The following KCNQ5 variants were observed in gnomAD, a reference collection of about 807,000 sequenced individuals.
KCNQ5 encodes potassium voltage-gated channel subfamily Q member 5, also known as potassium voltage-gated channel subfamily KQT member 5.
In KCNQ5, 30 loss-of-function variants were observed where a neutral mutation model predicts 98.2. The ratio of observed to expected loss-of-function variants is 0.31; its 90% CI spans 0.23 to 0.41. The LOEUF is 0.41. Ranked by LOEUF, KCNQ5 falls within the 10% of genes least tolerant of loss-of-function variation. The probability of loss-of-function intolerance (pLI) is 1.00; values close to 1 mark genes in which losing one functional copy is unlikely to be tolerated. For missense variants in KCNQ5, 835 were observed against 1,182.5 expected (o/e 0.71, Z 4.31); for synonymous variants, 458 against 449.4 (o/e 1.02, Z -0.24).
At chr6:72,709,514 T>A (rs1769253649) in intron 1 of KCNQ5, among the ~76,000 whole-genome samples, 1 of 152,218 alleles carries the variant, frequency 6.6e-6, no homozygotes, top group Non-Finnish European at 1.5e-5. Flanking sequence ...ATGCTTAAAC[T>A]GAGGGTATAC....
intron 7 of KCNQ5, among the ~76,000 whole-genome samples, chr6:73,113,299 C>T (rs980836374): frequency 3.3e-5 from 5 of 152,172 alleles, no homozygotes; most frequent in Admixed American, 6.5e-5. Context: ...TCCTTTCATC[C>T]GTCTGAGCAC....
intron 3 of KCNQ5, among the ~76,000 whole-genome samples, chr6:73,059,544 T>C (rs1275730129): frequency 6.6e-6 from 1 of 152,090 alleles, no homozygotes; most frequent in Non-Finnish European, 1.5e-5. Flanking sequence ...AACCTGCACA[T>C]GTACCACAGA....
chr6:73,150,007 GA>G (rs60083203), intron 10 of KCNQ5, among the ~76,000 whole-genome samples: 32,542 of 135,374 alleles, frequency 0.24, 8,402 homozygotes, highest in African/African-American at 0.63. Flanking sequence ...CACCACAGGG[GA>G]AAAAAAAAAA....
In KCNQ5 at chr6:73,079,105, C is replaced by G. The variant is rs546229935; in HGVS notation, c.918+1218C>G. 3.9e-5 allele frequency among the ~76,000 whole-genome samples: 6 copies of G among 152,186 alleles called. No individual in the cohort carries two copies. The East Asian group carries it at 1.2e-3, about 29-fold the overall frequency. On this transcript the variant is annotated intron_variant, in intron 5 of 13. Coordinates refer to ENST00000370398, the MANE Select transcript of KCNQ5 (RefSeq NM_019842.4). ...TTGCTTGAGCTCAGGCATTTGAGAC[C>G]AGCCTGGGCAACATGGCAAGACCCC...
intron 1 of KCNQ5, among the ~76,000 whole-genome samples, chr6:72,941,378 TCC>T (rs1766244902): frequency 3.4e-5 from 1 of 29,542 alleles, no homozygotes; most frequent in East Asian, 2.0e-3. Flanking sequence ...CCTTCTTTCC[TCC>T]TTCCTTCCTT....
chr6:73,036,170 AG>A (rs1166428254), intron 2 of KCNQ5, among the ~76,000 whole-genome samples: 2 of 151,936 alleles, frequency 1.3e-5, no homozygotes, highest in African/African-American at 4.8e-5. Context: ...GCAGATCACG[AG>A]GTCAGGAGAT....
rs1408736450 is a variant in KCNQ5 at position 73,197,145 on chromosome 6, G to A, written c.*1731G>A. 1.3e-5 allele frequency: 2 copies of A among 152,124 alleles called. No individual in the cohort carries two copies. The highest frequency in any genetic ancestry group is 4.8e-5 in the African/African-American group (2 of 41,386). 9.4% of individuals were successfully genotyped at this position (152,124 alleles called of 1,614,324 possible). A position where few individuals can be genotyped will look rare whatever the true frequency, so the allele number is the denominator to read the frequency against. On this transcript the variant is annotated 3_prime_UTR_variant, in exon 14 of 14. Transcript: ENST00000370398. ...AATCCTCCCCAGCCCTCCCCAACAG[G>A]CTTTCTCCATCATTGACTCTCCCCT...
intron 2 of KCNQ5, among the ~76,000 whole-genome samples, chr6:73,014,831 A>C (rs1404812470): frequency 6.6e-6 from 1 of 152,032 alleles, no homozygotes; most frequent in Non-Finnish European, 1.5e-5. Flanking sequence ...TTGCTATATA[A>C]ATATTCACTA....
intron 1 of KCNQ5, among the ~76,000 whole-genome samples, chr6:72,718,448 T>C (rs1769766154): frequency 8.1e-6 from 1 of 123,996 alleles, no homozygotes; most frequent in Non-Finnish European, 1.6e-5. Flanking sequence ...TTCTGCTCTT[T>C]TTTTTTTTTT....
At position 73,108,251 on chromosome 6, in the gene KCNQ5, C is replaced by G. The variant is rs139896564; in HGVS notation, c.1029+2884C>G. ...AATGAGCTCACAGAAGAAGCCCCAG[C>G]TCCCCTGTGTTACCCTGATATGCAG... On this transcript the variant is annotated intron_variant, in intron 6 of 13. Transcript: ENST00000370398. Among the ~76,000 whole-genome samples the G allele has an allele frequency of 5.3e-5, 8 of 152,096 alleles. No homozygotes were observed. The East Asian group carries it at 1.5e-3, about 29-fold the overall frequency.
chr6:72,719,564 C>T (rs1769837413), intron 1 of KCNQ5, among the ~76,000 whole-genome samples: 1 of 152,228 alleles, frequency 6.6e-6, no homozygotes, highest in Non-Finnish European at 1.5e-5. Flanking sequence ...AAAGCCATGT[C>T]TATGTGACTC....
At chr6:72,828,356 A>G (rs1776092504) in intron 1 of KCNQ5, among the ~76,000 whole-genome samples, 1 of 152,176 alleles carries the variant, frequency 6.6e-6, no homozygotes, top group South Asian at 2.1e-4. Context: ...CTTCTAATCC[A>G]TGACCATAGG....
intron 1 of KCNQ5, among the ~76,000 whole-genome samples, chr6:72,934,863 C>G (rs1765836258): frequency 6.6e-6 from 1 of 152,070 alleles, no homozygotes; most frequent in African/African-American, 2.4e-5. Flanking sequence ...TTAGTGTCCC[C>G]AATCCCACTA....
intron 1 of KCNQ5, among the ~76,000 whole-genome samples, chr6:72,750,637 G>A (rs1273437964): frequency 6.6e-6 from 1 of 151,848 alleles, no homozygotes; most frequent in Non-Finnish European, 1.5e-5. Context: ...CAAAATTTAA[G>A]TCATTCTATA....
intron 1 of KCNQ5, among the ~76,000 whole-genome samples, chr6:72,771,940 A>C (rs992757805): frequency 7.2e-5 from 11 of 152,110 alleles, no homozygotes; most frequent in Admixed American, 2.6e-4. Context: ...TATTATATGC[A>C]AAAAGCATGC....
chr6:73,195,020 G>T lies in KCNQ5; in HGVS notation c.2405G>T (p.Arg802Leu). ...GCACAGTCAAATCTCACCAAGGACC[G>T]TTCTATGAGGAAAAGCTTTGACATG... ...QVAQSNLTKD[R>L]SMRKSFDMGG... is the part of the protein sequence containing the mutation. Residue 802 changes from arginine (R) to leucine (L), a missense_variant, in exon 14 of 14, where the codon CGT becomes CTT. Around this residue, in one of 10 missense-constraint regions of KCNQ5, gnomAD observed 416 missense variants for 446.9 expected, o/e 0.93. Coordinates refer to ENST00000370398, the MANE Select transcript of KCNQ5 (RefSeq NM_019842.4). 6.2e-7 allele frequency: 1 copy of T among 1,614,158 alleles called. No homozygotes were observed. Among genetic ancestry groups the T allele is most frequent in the East Asian group, 2.2e-5 (1 of 44,882 alleles).
chr6:72,823,025 A>T (rs1582358649), intron 1 of KCNQ5, among the ~76,000 whole-genome samples: 1 of 152,102 alleles, frequency 6.6e-6, no homozygotes, highest in East Asian at 1.9e-4. Flanking sequence ...ATCATATAGG[A>T]TAATCAACCC....
chr6:73,121,486 G>A (rs866624048), intron 8 of KCNQ5, among the ~76,000 whole-genome samples: 39 of 152,182 alleles, frequency 2.6e-4, no homozygotes, highest in African/African-American at 8.7e-4. Context: ...GGCTTTCTGT[G>A]AGTCACCCAG....
intron 1 of KCNQ5, among the ~76,000 whole-genome samples, chr6:72,968,198 A>G (rs193001545): frequency 6.6e-6 from 1 of 152,332 alleles, no homozygotes; most frequent in Admixed American, 6.5e-5. Flanking sequence ...AGTTATTGTC[A>G]TTGAACCCAG....
Sources: allele counts gnomAD v4.1 joint callset (sites outside exome capture counted in the v4.1 genomes callset), GRCh38; gene constraint gnomAD v4.1.1; regional missense constraint gnomAD v4.1.1; transcripts MANE v1.5; gene names NCBI Gene and HGNC (gene_info 2026-07-23, HGNC 2026-07-21).